Variants in ZSCAN5A observed in about 807,000 individuals in gnomAD.
The protein encoded by ZSCAN5A is zinc finger and SCAN domain containing 5A.
ZSCAN5A carries 12 observed loss-of-function variants against 23.7 expected under a neutral mutation model. That is an observed-to-expected ratio of 0.51 (90% CI 0.32 to 0.82). The LOEUF (loss-of-function observed/expected upper bound fraction) is 0.82, where lower values mean the gene tolerates loss of function less well. Among genes scored for constraint, ZSCAN5A ranks in the 40% least tolerant of loss-of-function variants. ZSCAN5A has a pLI of 0.03. For missense variants in ZSCAN5A, 597 were observed against 617.9 expected (o/e 0.97, Z 0.36); for synonymous variants, 257 against 239.9 (o/e 1.07, Z -0.66).
intron 2 of ZSCAN5A, among the ~76,000 whole-genome samples, chr19:56,294,225 C>T (rs2039709718): frequency 6.6e-6 from 1 of 152,158 alleles, no homozygotes; most frequent in African/African-American, 2.4e-5. Flanking sequence ...GCCTAAGGGC[C>T]CACCAGGTGC....
chr19:56,252,784 T>C lies in ZSCAN5A; in HGVS notation c.-127-27611A>G, dbSNP rs151013481. ...GTGGGACCATGGTCACCAGGGGAAA[T>C]AGGAGGCAGCCTTCTGGGGTCCAGG... On this transcript the variant is annotated intron_variant, in intron 2 of 5. Transcript: ENST00000683990. 5.5e-3 allele frequency among the ~76,000 whole-genome samples: 829 copies of C among 152,000 alleles called. 10 individuals are homozygous for C. Among genetic ancestry groups the C allele is most frequent in the African/African-American group, 0.019 (786 of 41,452 alleles).
chr19:56,265,567 G>C (rs570999760), intron 2 of ZSCAN5A, among the ~76,000 whole-genome samples: 88 of 151,826 alleles, frequency 5.8e-4, no homozygotes, highest in African/African-American at 2.0e-3. Context: ...GGTTTTTTGG[G>C]TTCCAGTGGC....
At chr19:56,258,734 G>A (rs1024175225) in intron 2 of ZSCAN5A, among the ~76,000 whole-genome samples, 1 of 152,210 alleles carries the variant, frequency 6.6e-6, no homozygotes, top group Non-Finnish European at 1.5e-5. Flanking sequence ...TCATCAAGAG[G>A]TGGAGTTGGA....
chr19:56,294,550 G>C (rs1321930555), intron 2 of ZSCAN5A, among the ~76,000 whole-genome samples: 1 of 152,168 alleles, frequency 6.6e-6, no homozygotes, highest in Non-Finnish European at 1.5e-5. Context: ...TCAGGGCCAG[G>C]TGGTCTCTGC....
chr19:56,273,907 T>C (rs758122668), intron 2 of ZSCAN5A, among the ~76,000 whole-genome samples: 20 of 152,108 alleles, frequency 1.3e-4, no homozygotes, highest in Non-Finnish European at 2.5e-4. Flanking sequence ...AAACAATGTG[T>C]CTTGCCCTCA....
At chr19:56,284,245 C>T in intron 2 of ZSCAN5A, 1 of 934,388 alleles carries the variant, frequency 1.1e-6, no homozygotes. Flanking sequence ...CCAGACTGTG[C>T]ACTTTGGCGG....
In ZSCAN5A at chr19:56,277,175, C is replaced by T. The variant is rs375616734; in HGVS notation, c.-128+36108G>A. On this transcript the variant is annotated intron_variant, in intron 2 of 5. Transcript: ENST00000683990. ...TAAACACTGAGTTACTCAGCAATTCCGCTCTAGGTATGTGCCCAAGATAAA... is the reference window on the plus strand; with the variant it reads ...TAAACACTGAGTTACTCAGCAATTCTGCTCTAGGTATGTGCCCAAGATAAA... Among the ~76,000 whole-genome samples the T allele has an allele frequency of 4.3e-4, 65 of 152,276 alleles. No homozygotes were observed. The East Asian group carries it at 9.3e-3, about 22-fold the overall frequency.
chr19:56,269,385 G>A (rs1158889408), intron 2 of ZSCAN5A, among the ~76,000 whole-genome samples: 2 of 152,186 alleles, frequency 1.3e-5, no homozygotes, highest in African/African-American at 4.8e-5. Context: ...CAGGGATATA[G>A]TCAATTGAGC....
intron 2 of ZSCAN5A, among the ~76,000 whole-genome samples, chr19:56,231,376 T>G (rs138137005): frequency 2.2e-3 from 333 of 152,332 alleles, no homozygotes; most frequent in South Asian, 4.1e-3. Flanking sequence ...TTTGTAAATT[T>G]ATAAAGTTAA....
chr19:56,367,080 C>G (rs1330640484), intron 1 of ZSCAN5A: 1 of 152,192 alleles, frequency 6.6e-6, no homozygotes, highest in East Asian at 1.9e-4. Flanking sequence ...ATTAAAGTGG[C>G]TGGCTGCAGT....
chr19:56,354,128 C>G (rs970901425), intron 2 of ZSCAN5A, among the ~76,000 whole-genome samples: 5 of 152,110 alleles, frequency 3.3e-5, no homozygotes, highest in Non-Finnish European at 5.9e-5. Context: ...TTGCGAGGAG[C>G]TGATGGGAAG....
At chr19:56,231,496 C>A (rs141933041) in intron 2 of ZSCAN5A, among the ~76,000 whole-genome samples, 3 of 152,182 alleles carry the variant, frequency 2.0e-5, no homozygotes, top group Admixed American at 2.0e-4. Flanking sequence ...GCCTAACAGA[C>A]CTGTCAATCA....
At chr19:56,305,973 G>A (rs2040658531) in intron 2 of ZSCAN5A, among the ~76,000 whole-genome samples, 1 of 148,846 alleles carries the variant, frequency 6.7e-6, no homozygotes, top group Admixed American at 6.7e-5. Context: ...ATGGGGGCAG[G>A]AGAAGGGGGA....
At chr19:56,354,536 G>A (rs939024170) in intron 2 of ZSCAN5A, 2 of 152,230 alleles carry the variant, frequency 1.3e-5, no homozygotes, top group Non-Finnish European at 2.9e-5. Flanking sequence ...TCACATTGAA[G>A]TAGGTGACAC....
intron 2 of ZSCAN5A, among the ~76,000 whole-genome samples, chr19:56,355,089 A>AACTCAGC (rs1555814360): frequency 6.7e-6 from 1 of 149,714 alleles, no homozygotes; most frequent in Non-Finnish European, 1.5e-5. Flanking sequence ...TTGAAACCCA[A>AACTCAGC]CGTGGTTTTT....
intron 2 of ZSCAN5A, among the ~76,000 whole-genome samples, chr19:56,360,458 C>T (rs2041727512): frequency 6.6e-6 from 1 of 152,198 alleles, no homozygotes; most frequent in Non-Finnish European, 1.5e-5. Context: ...ATTCCATGCT[C>T]ATGGACAGGA....
chr19:56,267,979 A>G (rs1036494613), intron 2 of ZSCAN5A, among the ~76,000 whole-genome samples: 5 of 152,030 alleles, frequency 3.3e-5, no homozygotes, highest in Non-Finnish European at 5.9e-5. Flanking sequence ...TTGATCCCGC[A>G]CCTCTATGAT....
At chr19:56,283,914 A>C (rs2038906102) in intron 2 of ZSCAN5A, 1 of 150,522 alleles carries the variant, frequency 6.6e-6, no homozygotes, top group Admixed American at 6.6e-5. Context: ...ACGGTTCATG[A>C]TTACTGTCCC....
chr19:56,232,872 G>A (rs1269953698), intron 2 of ZSCAN5A, among the ~76,000 whole-genome samples: 5 of 152,004 alleles, frequency 3.3e-5, no homozygotes, highest in African/African-American at 4.8e-5. Flanking sequence ...TGTAGACACC[G>A]AGTTTCACCA....
Sources: allele counts gnomAD v4.1 joint callset (sites outside exome capture counted in the v4.1 genomes callset), GRCh38; gene constraint gnomAD v4.1.1; transcripts MANE v1.5; gene names NCBI Gene and HGNC (gene_info 2026-07-23, HGNC 2026-07-21).